Variants in ZNF597 observed in about 807,000 individuals in gnomAD.
ZNF597 encodes the protein zinc finger protein 597.
ZNF597 carries 5 observed loss-of-function variants against 7.3 expected under a neutral mutation model. The observed-to-expected ratio is 0.68, with a 90% confidence interval of 0.36 to 1.44. ZNF597 has a LOEUF of 1.44. Among genes scored for constraint, ZNF597 ranks in the 40% most tolerant of loss-of-function variants. ZNF597 has a pLI of 0.04. For missense variants in ZNF597, 585 were observed against 517.9 expected (o/e 1.13, Z -1.26); for synonymous variants, 209 against 185.4 (o/e 1.13, Z -1.04).
chr16:3,441,063 C>G lies in ZNF597; in HGVS notation c.34-130G>C, dbSNP rs551959393. On this transcript the variant is annotated intron_variant, in intron 2 of 3. Coordinates refer to ENST00000301744, the MANE Select transcript of ZNF597 (RefSeq NM_152457.3). ...AGGCTCGGTGTAAAAGGTTCTTGAG[C>G]GCAGAAGTAGGGCAAATGGGTTCTA... is the stretch of plus-strand genomic sequence containing the variant. 19 of 1,336,236 alleles carry G rather than the reference C, an allele frequency of 1.4e-5. No homozygotes were observed. In the Admixed American group the frequency reaches 4.7e-4, roughly 33 times the overall value. The allele number at this position is 1,336,236 out of a possible 1,614,324, so 82.8% of individuals were successfully genotyped here. A position where few individuals can be genotyped will look rare whatever the true frequency, so the allele number is the denominator to read the frequency against.
rs752796522 is a variant in ZNF597, at chr16:3,440,923, A to G, written c.44T>C (p.Leu15Pro). 1 of 1,613,548 alleles carries G rather than the reference A, an allele frequency of 6.2e-7. No individual in the cohort carries two copies. The highest frequency in any genetic ancestry group is 1.7e-5 in the Admixed American group (1 of 59,966). ...PPTPEAQGPI[L>P]FEDLAVYFSQ... ...AAAATACACAGCCAGATCCTCAAAG[A>G]GTATTGGTCCCTGAAACACAAGAGC... The change falls in exon 3 of 4, where the codon CTC becomes CCC. Residue 15 changes from leucine (L) to proline (P), a missense_variant. Physicochemically the swap from Leu to Pro is moderately conservative, Grantham distance 98. Coordinates refer to ENST00000301744, the MANE Select transcript of ZNF597 (RefSeq NM_152457.3).
At position 3,443,488 on chromosome 16, in the gene ZNF597, G is replaced by C. The variant is rs552308829; in HGVS notation, c.-182C>G. On this transcript the variant is annotated 5_prime_UTR_variant, in exon 1 of 4. Coordinates refer to ENST00000301744, the MANE Select transcript of ZNF597 (RefSeq NM_152457.3). ...CACGCTCTCATGCTCCTTTACGCAG[G>C]AGCTGCGGGAAAAGCCGCCGGAAGC... The C allele has an allele frequency of 3.9e-6, 2 of 514,708 alleles. No individual in the cohort carries two copies. Among genetic ancestry groups the C allele is most frequent in the East Asian group, 3.3e-5 (1 of 30,104 alleles). The allele number at this position is 514,708 out of a possible 1,614,324, so 31.9% of individuals were successfully genotyped here. A position where few individuals can be genotyped will look rare whatever the true frequency, so the allele number is the denominator to read the frequency against.
intron 3 of ZNF597, 64 bp from the exon 4 acceptor site, chr16:3,437,602 G>C (rs568666949): frequency 8.0e-6 from 12 of 1,503,058 alleles, no homozygotes; most frequent in Non-Finnish European, 1.1e-5. Flanking sequence ...TGGGGAAAAA[G>C]TAAGCTAAGG....
rs767072160 is a variant in ZNF597, at chr16:3,437,400, T to A, written c.299A>T (p.Asn100Ile). The A allele has an allele frequency of 6.2e-7, 1 of 1,614,102 alleles. No individual in the cohort carries two copies. The highest frequency in any genetic ancestry group is 2.2e-5 in the East Asian group (1 of 44,866). ...TCCACTTAATATTTTCGCTTCAGGG[T>A]TTCCAACTCCATCCTCAGAGGATTT... is the stretch of plus-strand genomic sequence containing the variant. ...PEKSSEDGVG[N>I]PEAKILSGTP... Residue 100 changes from asparagine (N) to isoleucine (I), a missense_variant, in exon 4 of 4, where the codon AAC becomes ATC. By Grantham distance (149) the Asn-to-Ile change is moderately radical. Transcript: ENST00000301744.
rs532650612 is a variant in ZNF597, at chr16:3,443,467, C to G, written c.-161G>C. On this transcript the variant is annotated 5_prime_UTR_variant, in exon 1 of 4. Coordinates refer to ENST00000301744, the MANE Select transcript of ZNF597 (RefSeq NM_152457.3). ...CCACGGCCACTGCAAAACTCCCACG[C>G]TCTCATGCTCCTTTACGCAGGAGCT... The G allele has an allele frequency of 1.7e-5, 9 of 521,146 alleles. No individual in the cohort carries two copies. Among genetic ancestry groups the G allele is most frequent in the Admixed American group, 3.7e-5 (1 of 26,804 alleles). 32.3% of individuals were successfully genotyped at this position (521,146 alleles called of 1,614,324 possible).
intron 3 of ZNF597, among the ~76,000 whole-genome samples, chr16:3,440,219 G>A (rs904641473): frequency 1.3e-5 from 2 of 152,194 alleles, no homozygotes; most frequent in African/African-American, 2.4e-5. Context: ...GATAGTGATC[G>A]ATACTAATGG....
chr16:3,438,216 TA>T (rs140287445), intron 3 of ZNF597, among the ~76,000 whole-genome samples: 147 of 136,992 alleles, frequency 1.1e-3, no homozygotes, highest in African/African-American at 2.4e-3. Context: ...ACTTGTTTCT[TA>T]AAAAAAAAAA....
rs773612778 is a variant in ZNF597 at position 3,437,088 on chromosome 16, C to A, written c.611G>T (p.Arg204Ile). The A allele has an allele frequency of 7.7e-5, 124 of 1,614,074 alleles. No individual in the cohort carries two copies. Among genetic ancestry groups the A allele is most frequent in the Middle Eastern group, 3.3e-4 (2 of 6,084 alleles). The change falls in exon 4 of 4, where the codon AGA becomes ATA. Residue 204 changes from arginine to isoleucine, a missense_variant. By Grantham distance (97) the Arg-to-Ile change is moderately conservative (BLOSUM62 -3). Transcript: ENST00000301744. Reference protein sequence around the residue: ...NHRANLRTHRRIHTGEKPYKC... With the variant: ...NHRANLRTHRIIHTGEKPYKC... ...ATAAGGTTTCTCACCAGTATGGATT[C>A]TCCTGTGTGTCCTCAGGTTGGCTCT...
chr16:3,442,028 A>G (rs2034386526), intron 2 of ZNF597, among the ~76,000 whole-genome samples: 2 of 151,780 alleles, frequency 1.3e-5, no homozygotes, highest in South Asian at 4.2e-4. Context: ...CAGCCCAGGA[A>G]GAATCATAAA....
intron 2 of ZNF597, among the ~76,000 whole-genome samples, chr16:3,442,352 C>G (rs2150935162): frequency 6.6e-6 from 1 of 152,214 alleles, no homozygotes; most frequent in East Asian, 1.9e-4. Flanking sequence ...CCAGGAGTTC[C>G]TTGGCAAAGC....
At chr16:3,439,814 C>G (rs2150933748) in intron 3 of ZNF597, among the ~76,000 whole-genome samples, 1 of 152,198 alleles carries the variant, frequency 6.6e-6, no homozygotes, top group East Asian at 1.9e-4. Context: ...TAACCCATAA[C>G]TAGAAGACAA....
At chr16:3,441,044 G>A (rs753108515) in intron 2 of ZNF597, 111 bp from the exon 3 acceptor site, 117 of 1,460,224 alleles carry the variant, frequency 8.0e-5, no homozygotes, top group Admixed American at 6.1e-4. Context: ...TAAAAGGCTC[G>A]GTGTAAAAGG....
At chr16:3,440,656 T>C in intron 3 of ZNF597, 151 bp downstream of exon 3, 1 of 1,027,304 alleles carries the variant, frequency 9.7e-7, no homozygotes, top group Non-Finnish European at 1.4e-6. Flanking sequence ...TCATCTCATA[T>C]TTTAAAACTT....
In ZNF597 at chr16:3,434,978, C is replaced by T. The variant is rs1159741835; in HGVS notation, c.*1446G>A. ...TTTACAACATTCTGTGGTTCTTTAACATTAATAACCATACCATTTAATAAT... is the reference window on the plus strand; with the variant it reads ...TTTACAACATTCTGTGGTTCTTTAATATTAATAACCATACCATTTAATAAT... On this transcript the variant is annotated 3_prime_UTR_variant, in exon 4 of 4. Coordinates refer to ENST00000301744, the MANE Select transcript of ZNF597 (RefSeq NM_152457.3). 6.6e-6 allele frequency: 1 copy of T among 152,146 alleles called. No homozygotes were observed. The highest frequency in any genetic ancestry group is 2.4e-5 in the African/African-American group (1 of 41,440). The allele number at this position is 152,146 out of a possible 1,614,324, so 9.4% of individuals were successfully genotyped here.
chr16:3,436,916 G>A lies in ZNF597; in HGVS notation c.783C>T (p.Ser261=), dbSNP rs1267694598. The A allele has an allele frequency of 3.7e-6, 6 of 1,614,038 alleles. No individual in the cohort carries two copies. The highest frequency in any genetic ancestry group is 5.1e-6 in the Non-Finnish European group (6 of 1,180,036). The part of the protein sequence containing the change: ...WLPGLAQHQK[S]HSAENTYEST... ...ATTCGTAGGTGTTTTCAGCACTGTG[G>A]CTTTTCTGATGCTGTGCCAATCCTG... The change falls in exon 4 of 4, where the codon AGC becomes AGT. Residue 261 remains serine, a synonymous_variant. Coordinates refer to ENST00000301744, the MANE Select transcript of ZNF597 (RefSeq NM_152457.3).
chr16:3,442,092 GTCCC>G (rs2034388280), intron 2 of ZNF597, among the ~76,000 whole-genome samples: 2 of 151,738 alleles, frequency 1.3e-5, no homozygotes, highest in African/African-American at 4.8e-5. Context: ...ATTTCCTCTC[GTCCC>G]CATGACACTC....
rs2034295444 is a variant in ZNF597, at chr16:3,435,872, A to G, written c.*552T>C. On this transcript the variant is annotated 3_prime_UTR_variant, in exon 4 of 4. Coordinates refer to ENST00000301744, the MANE Select transcript of ZNF597 (RefSeq NM_152457.3). ...TCCGGATACTAATGGCCATCAAAAT[A>G]TAAACTAGTCTACCCATTTGGGAAC... 6.5e-6 allele frequency: 1 copy of G among 152,924 alleles called. No homozygotes were observed. Among genetic ancestry groups the G allele is most frequent in the Non-Finnish European group, 1.5e-5 (1 of 68,612 alleles). 9.5% of individuals were successfully genotyped at this position (152,924 alleles called of 1,614,324 possible).
In ZNF597 at chr16:3,435,690, G is replaced by C. The variant is rs1463594813; in HGVS notation, c.*734C>G. ...AGGTAATGTGCTTCAGTAGCAATTT[G>C]GAGGCAAATCTTAGAAAAGAGCAAG... On this transcript the variant is annotated 3_prime_UTR_variant, in exon 4 of 4. Coordinates refer to ENST00000301744, the MANE Select transcript of ZNF597 (RefSeq NM_152457.3). 6.6e-6 allele frequency: 1 copy of C among 152,138 alleles called. No individual in the cohort carries two copies. Among genetic ancestry groups the C allele is most frequent in the African/African-American group, 2.4e-5 (1 of 41,412 alleles). The allele number at this position is 152,138 out of a possible 1,614,324, so 9.4% of individuals were successfully genotyped here.
chr16:3,443,279 T>C (rs1276349700), intron 1 of ZNF597, 73 bp from the exon 2 acceptor site: 2 of 954,074 alleles, frequency 2.1e-6, no homozygotes, highest in Non-Finnish European at 3.1e-6. Flanking sequence ...CTAGCCTCCC[T>C]CGATTCCCTC....
Sources: allele counts gnomAD v4.1 joint callset (sites outside exome capture counted in the v4.1 genomes callset), GRCh38; gene constraint gnomAD v4.1.1; transcripts MANE v1.5; gene names NCBI Gene and HGNC (gene_info 2026-07-23, HGNC 2026-07-21).